The following C9orf43 variants were observed in gnomAD, a reference collection of about 807,000 sequenced individuals.
C9orf43 encodes the protein chromosome 9 open reading frame 43, also known as uncharacterized protein C9orf43.
C9orf43 carries 45 observed loss-of-function variants against 59.1 expected under a neutral mutation model. The ratio of observed to expected loss-of-function variants is 0.76; its 90% CI spans 0.60 to 0.98. The LOEUF (loss-of-function observed/expected upper bound fraction) is 0.98. C9orf43 is among the 50% of genes least tolerant of loss of function. The pLI is 0.00. For missense variants in C9orf43, 533 were observed against 554.9 expected, an observed-to-expected ratio of 0.96 and a Z score of 0.40; for synonymous variants, 203 against 196.8, an observed-to-expected ratio of 1.03 and a Z score of -0.26.
intron 4 of C9orf43, among the ~76,000 whole-genome samples, chr9:113,419,964 A>G (rs1411497823): frequency 1.3e-5 from 2 of 152,132 alleles, no homozygotes; most frequent in South Asian, 2.1e-4. Flanking sequence ...TTCACTTTTC[A>G]ATATCATGTG....
intron 3 of C9orf43, among the ~76,000 whole-genome samples, chr9:113,416,278 C>CTTTG (rs1828354262): frequency 1.3e-5 from 2 of 152,214 alleles, no homozygotes; most frequent in Non-Finnish European, 2.9e-5. Flanking sequence ...TGAAAAGCCC[C>CTTTG]TTTATCAGAA....
chr9:113,420,907 C>T, intron 4 of C9orf43, 196 bp from the exon 5 acceptor site: 2 of 475,284 alleles, frequency 4.2e-6, no homozygotes, highest in Non-Finnish European at 5.5e-6. Context: ...CTTATTAATA[C>T]TCACTCTTGC....
intron 7 of C9orf43, 86 bp downstream of exon 7, chr9:113,423,584 A>C: frequency 3.8e-6 from 5 of 1,316,726 alleles, no homozygotes; most frequent in Non-Finnish European, 5.3e-6. Flanking sequence ...GCTTTTTCTG[A>C]GTAGGACTGG....
chr9:113,421,908 A>C (rs2119085545), intron 5 of C9orf43, among the ~76,000 whole-genome samples: 1 of 152,318 alleles, frequency 6.6e-6, no homozygotes, highest in South Asian at 2.1e-4. Flanking sequence ...CGTGTGAAAG[A>C]AGCTCAGAAG....
chr9:113,410,780 C>T lies in C9orf43; in HGVS notation c.-271C>T, dbSNP rs1188767138. The T allele has an allele frequency of 1.2e-5, 3 of 241,406 alleles. No homozygotes were observed. The highest frequency in any genetic ancestry group is 2.1e-5 in the Non-Finnish European group (3 of 142,964). 15.0% of individuals were successfully genotyped at this position (241,406 alleles called of 1,614,324 possible). On this transcript the variant is annotated 5_prime_UTR_variant, in exon 1 of 14. Transcript: ENST00000374165. Reference sequence around the variant, plus strand: ...AGGCAGGCTCTGGGCCCGCCGGGTCCGTTAATCTCACCGCGCCGCAAGGGG... The same window carrying T: ...AGGCAGGCTCTGGGCCCGCCGGGTCTGTTAATCTCACCGCGCCGCAAGGGG...
chr9:113,414,418 G>C (rs893859786), intron 3 of C9orf43, among the ~76,000 whole-genome samples: 2 of 151,830 alleles, frequency 1.3e-5, no homozygotes, highest in Admixed American at 6.6e-5. Context: ...AGGACTACAA[G>C]TGTGCACCAC....
chr9:113,420,884 G>A, intron 4 of C9orf43: 2 of 636,576 alleles, frequency 3.1e-6, no homozygotes, highest in Non-Finnish European at 3.9e-6. Context: ...AGGGAAGCAG[G>A]GGAGATTATC....
chr9:113,425,886 G>A (rs1828773981), intron 11 of C9orf43, among the ~76,000 whole-genome samples, 156 bp downstream of exon 11: 3 of 152,156 alleles, frequency 2.0e-5, no homozygotes, highest in Admixed American at 2.0e-4. Context: ...GGTCTCTCAT[G>A]CACCATCCTT....
chr9:113,424,967 G>T, intron 8 of C9orf43, 52 bp from the exon 9 acceptor site: 1 of 1,506,664 alleles, frequency 6.6e-7, no homozygotes. Context: ...TACATTTGGA[G>T]AAAGGGAAAG....
At chr9:113,429,021 C>A in intron 13 of C9orf43, 58 bp downstream of exon 13, 4 of 1,540,860 alleles carry the variant, frequency 2.6e-6, no homozygotes, top group Non-Finnish European at 3.6e-6. Flanking sequence ...AGAGTTGAAC[C>A]TGTGTTGACC....
chr9:113,421,923 C>T (rs923803113), intron 5 of C9orf43, among the ~76,000 whole-genome samples: 2 of 152,058 alleles, frequency 1.3e-5, no homozygotes, highest in African/African-American at 4.8e-5. Context: ...CAGAAGTAGG[C>T]AGGCTAGGTC....
Position 113,413,177 on chromosome 9 carries a change from C to A in C9orf43, c.-49-268C>A, listed in dbSNP as rs2119052493. 2.6e-5 allele frequency among the ~76,000 whole-genome samples: 4 copies of A among 152,330 alleles called. No individual in the cohort carries two copies. The East Asian group carries it at 7.7e-4, about 29-fold the overall frequency. On this transcript the variant is annotated intron_variant, in intron 1 of 13. Transcript: ENST00000374165. ...GCTTATCCTCATTTTACAGTGGAGG[C>A]AACAGGCTCAGACTGGTTAAGTCCC... is the stretch of plus-strand genomic sequence containing the variant.
intron 8 of C9orf43, among the ~76,000 whole-genome samples, chr9:113,424,520 CTT>C (rs567805386): frequency 4.8e-4 from 67 of 139,626 alleles, no homozygotes; most frequent in Non-Finnish European, 1.9e-4. Context: ...CTATTTCTTT[CTT>C]TTTTTTTTTT....
chr9:113,412,699 A>G lies in C9orf43; in HGVS notation c.-49-746A>G, dbSNP rs200124522. 3.9e-5 allele frequency among the ~76,000 whole-genome samples: 6 copies of G among 152,192 alleles called. No homozygotes were observed. In the East Asian group the frequency reaches 1.2e-3, roughly 29 times the overall value. ...ATGTTATTTATTATTTTTTGTGGAG[A>G]GGGGGTAACTCATCTTGGCCTACCA... On this transcript the variant is annotated intron_variant, in intron 1 of 13. Coordinates refer to ENST00000374165, the MANE Select transcript of C9orf43 (RefSeq NM_001278629.2).
intron 11 of C9orf43, among the ~76,000 whole-genome samples, chr9:113,427,881 A>T (rs1447733078): frequency 2.0e-5 from 3 of 152,180 alleles, no homozygotes; most frequent in African/African-American, 4.8e-5. Context: ...GCTGTGAAAA[A>T]GTAGATTAGG....
Position 113,410,830 on chromosome 9 carries a change from A to C in C9orf43, c.-221A>C. On this transcript the variant is annotated 5_prime_UTR_variant, in exon 1 of 14. Coordinates refer to ENST00000374165, the MANE Select transcript of C9orf43 (RefSeq NM_001278629.2). ...GCCACGTTTTACCACTTGATTTAGC[A>C]ACCCTAAGCGGTTTGGAATCTGCTT... The C allele has an allele frequency of 1.8e-6, 1 of 549,840 alleles. No homozygotes were observed. The highest frequency in any genetic ancestry group is 2.3e-6 in the Non-Finnish European group (1 of 428,554). 34.1% of individuals were successfully genotyped at this position (549,840 alleles called of 1,614,324 possible). A position where few individuals can be genotyped will look rare whatever the true frequency, so the allele number is the denominator to read the frequency against.
intron 10 of C9orf43, 28 bp from the exon 11 acceptor site, chr9:113,425,615 A>G (rs375640602): frequency 6.2e-7 from 1 of 1,601,496 alleles, no homozygotes; most frequent in Non-Finnish European, 8.5e-7. Flanking sequence ...CAAAAATCCT[A>G]ATTTGTTCCT....
chr9:113,422,333 G>T (rs976994295), intron 5 of C9orf43, among the ~76,000 whole-genome samples: 1 of 152,146 alleles, frequency 6.6e-6, no homozygotes, highest in African/African-American at 2.4e-5. Context: ...TGAGGATGGG[G>T]GGTCTTTTTA....
chr9:113,413,729 A>G (rs772335399), intron 2 of C9orf43, 30 bp from the exon 3 acceptor site: 2 of 1,612,562 alleles, frequency 1.2e-6, no homozygotes, highest in South Asian at 1.1e-5. Context: ...GCAGCAGGTT[A>G]ACATGTTTTC....
Sources: allele counts gnomAD v4.1 joint callset (sites outside exome capture counted in the v4.1 genomes callset), GRCh38; gene constraint gnomAD v4.1.1; transcripts MANE v1.5; gene names NCBI Gene and HGNC (gene_info 2026-07-23, HGNC 2026-07-21).